Variants in MAGI2 observed in about 807,000 individuals in gnomAD.
The protein encoded by MAGI2 is membrane-associated guanylate kinase, WW and PDZ domain-containing protein 2.
MAGI2 carries 35 observed loss-of-function variants against 133.3 expected under a neutral mutation model. The ratio of observed to expected loss-of-function variants is 0.26; its 90% CI spans 0.20 to 0.35. The LOEUF is 0.35. Ranked by LOEUF, MAGI2 falls within the 10% of genes least tolerant of loss-of-function variation. MAGI2 has a pLI of 1.00. For synonymous variants in MAGI2, 729 were observed against 710.6 expected (o/e 1.03, Z -0.41); for missense variants, 1,636 against 1,863.4 (o/e 0.88, Z 2.25).
intron 6 of MAGI2, among the ~76,000 whole-genome samples, chr7:78,386,202 GAT>G (rs908351323): frequency 6.6e-6 from 1 of 151,904 alleles, no homozygotes; most frequent in African/African-American, 2.4e-5. Flanking sequence ...ATACAATAGT[GAT>G]ATATATACAT....
rs1491380785 is a variant in MAGI2, at chr7:78,955,736, T to TCTTCCTTTCTTTCTTC, written c.418+51353_418+51354insGAAGAAAGAAAGGAAG. ...TTTTCTTTCTTTCTCTTTCTTTCTT[T>TCTTCCTTTCTTTCTTC]CTTTCTTTCTTTCTTTCTTTCTTTC... is the stretch of plus-strand genomic sequence containing the variant. On this transcript the variant is annotated intron_variant, in intron 2 of 21. Coordinates refer to ENST00000354212, the MANE Select transcript of MAGI2 (RefSeq NM_012301.4). Among the ~76,000 whole-genome samples, 75 of 45,724 alleles carry TCTTCCTTTCTTTCTTC rather than the reference T, an allele frequency of 1.6e-3. 1 individual carries two copies. Among genetic ancestry groups the TCTTCCTTTCTTTCTTC allele is most frequent in the African/African-American group, 5.1e-3 (73 of 14,408 alleles). 30.0% of individuals were successfully genotyped at this position (45,724 alleles called of 152,430 possible).
chr7:78,454,159 T>A lies in MAGI2; in HGVS notation c.1045+35602A>T, dbSNP rs184549382. ...ATACCCTGACTAACAGAGCATAATG[T>A]GATTACTCCATCGCATGAGTAGGAA... On this transcript the variant is annotated intron_variant, in intron 6 of 21. Coordinates refer to ENST00000354212, the MANE Select transcript of MAGI2 (RefSeq NM_012301.4). Among the ~76,000 whole-genome samples, 291 of 152,282 alleles carry A rather than the reference T, an allele frequency of 1.9e-3. 6 individuals carry two copies. Among genetic ancestry groups the A allele is most frequent in the Admixed American group, 0.019 (288 of 15,284 alleles).
At chr7:78,395,106 C>A (rs76485295) in intron 6 of MAGI2, among the ~76,000 whole-genome samples, 8,067 of 152,216 alleles carry the variant, frequency 0.053, 304 homozygotes, top group South Asian at 0.095. Flanking sequence ...CAGGGAGAGT[C>A]AAACTTCAGA....
At chr7:79,102,364 C>T (rs960322696) in intron 1 of MAGI2, among the ~76,000 whole-genome samples, 2 of 152,136 alleles carry the variant, frequency 1.3e-5, no homozygotes, top group African/African-American at 4.8e-5. Context: ...GGATCTTTAG[C>T]TGCTGCCTAA....
chr7:78,932,514 A>T (rs1208033022), intron 2 of MAGI2, among the ~76,000 whole-genome samples: 2 of 152,020 alleles, frequency 1.3e-5, no homozygotes, highest in African/African-American at 2.4e-5. Flanking sequence ...TGAAAAATAA[A>T]AAAAAAAACA....
chr7:79,171,879 G>A (rs1448514711), intron 1 of MAGI2, among the ~76,000 whole-genome samples: 1 of 148,864 alleles, frequency 6.7e-6, no homozygotes, highest in Non-Finnish European at 1.5e-5. Flanking sequence ...CATCCCAAAG[G>A]TATTAGTCTT....
chr7:78,472,929 T>A (rs900221707), intron 6 of MAGI2, among the ~76,000 whole-genome samples: 1 of 152,072 alleles, frequency 6.6e-6, no homozygotes, highest in Non-Finnish European at 1.5e-5. Context: ...CGAGGTAGTA[T>A]AGGGGAAAGG....
At chr7:79,168,933 T>TAA (rs1268613035) in intron 1 of MAGI2, among the ~76,000 whole-genome samples, 23 of 133,118 alleles carry the variant, frequency 1.7e-4, no homozygotes, top group African/African-American at 6.3e-4. Context: ...TATATATATA[T>TAA]AAATTTTTTT....
At chr7:78,939,642 T>C (rs1381985886) in intron 2 of MAGI2, among the ~76,000 whole-genome samples, 1 of 152,204 alleles carries the variant, frequency 6.6e-6, no homozygotes, top group Non-Finnish European at 1.5e-5. Flanking sequence ...ATCAAATAGA[T>C]ATTTGTCACT....
chr7:79,022,814 T>C (rs561343544), intron 1 of MAGI2, among the ~76,000 whole-genome samples: 1 of 152,238 alleles, frequency 6.6e-6, no homozygotes, highest in South Asian at 2.1e-4. Context: ...AGAGACTGAA[T>C]ACCTGAACAG....
At chr7:78,918,282 G>A (rs186426997) in intron 2 of MAGI2, among the ~76,000 whole-genome samples, 17 of 152,218 alleles carry the variant, frequency 1.1e-4, no homozygotes, top group African/African-American at 3.9e-4. Flanking sequence ...CTTGTTTAGT[G>A]TATTTTCTTA....
chr7:78,856,127 A>T (rs1374076789), intron 2 of MAGI2, among the ~76,000 whole-genome samples: 1 of 152,146 alleles, frequency 6.6e-6, no homozygotes, highest in Non-Finnish European at 1.5e-5. Flanking sequence ...AATTTGTTTA[A>T]GTTCTTTGTA....
chr7:78,730,519 C>T (rs1055860589), intron 2 of MAGI2, among the ~76,000 whole-genome samples: 5 of 151,668 alleles, frequency 3.3e-5, no homozygotes, highest in Non-Finnish European at 7.4e-5. Context: ...GTGACTGCTT[C>T]TATTTTTAGT....
chr7:78,867,804 T>C (rs1438649029), intron 2 of MAGI2, among the ~76,000 whole-genome samples: 1 of 152,126 alleles, frequency 6.6e-6, no homozygotes, highest in Non-Finnish European at 1.5e-5. Context: ...TAAGAGACCG[T>C]AGCCCTTGGG....
chr7:78,695,404 T>C lies in MAGI2; in HGVS notation c.419-68165A>G, dbSNP rs185708165. ...CACTTATTTTAAACTGAAATCTTCC[T>C]CCTTGCTCTGTATCTGATGTCAAAC... On this transcript the variant is annotated intron_variant, in intron 2 of 21. Transcript: ENST00000354212. Among the ~76,000 whole-genome samples the C allele has an allele frequency of 1.2e-3, 176 of 152,288 alleles. No individual in the cohort carries two copies. In the South Asian group the frequency reaches 0.012, roughly 11 times the overall value.
intron 6 of MAGI2, among the ~76,000 whole-genome samples, chr7:78,421,573 G>C (rs985500183): frequency 3.3e-5 from 5 of 152,160 alleles, no homozygotes; most frequent in Non-Finnish European, 5.9e-5. Context: ...CAGCACTTTG[G>C]GAGGCTAGGC....
chr7:79,284,953 T>C (rs1052291270), intron 1 of MAGI2, among the ~76,000 whole-genome samples: 3 of 151,988 alleles, frequency 2.0e-5, no homozygotes, highest in South Asian at 2.1e-4. Flanking sequence ...TAAGTTTATA[T>C]TCATATCACA....
At chr7:78,835,116 A>G (rs1311463445) in intron 2 of MAGI2, among the ~76,000 whole-genome samples, 4 of 152,212 alleles carry the variant, frequency 2.6e-5, no homozygotes, top group Non-Finnish European at 2.9e-5. Flanking sequence ...TTGCTAGGTC[A>G]TATAGTAACT....
chr7:79,423,780 T>C (rs1019406374), intron 1 of MAGI2, among the ~76,000 whole-genome samples: 1 of 152,066 alleles, frequency 6.6e-6, no homozygotes, highest in African/African-American at 2.4e-5. Flanking sequence ...TCCTGTTATG[T>C]AAAATCATAA....
Sources: allele counts gnomAD v4.1 joint callset (sites outside exome capture counted in the v4.1 genomes callset), GRCh38; gene constraint gnomAD v4.1.1; transcripts MANE v1.5; gene names NCBI Gene and HGNC (gene_info 2026-07-23, HGNC 2026-07-21).